The following DST variants were observed in gnomAD, a reference collection of about 807,000 sequenced individuals.
DST encodes dystonin.
Under a neutral mutation model 875.2 loss-of-function variants are expected in DST, and 253 were observed. The observed-to-expected ratio is 0.29, with a 90% confidence interval of 0.26 to 0.32. The LOEUF is 0.32. DST is among the 10% of genes least tolerant of loss of function. DST has a pLI of 1.00. For missense variants in DST, 8,287 were observed against 9,111.6 expected, an observed-to-expected ratio of 0.91 and a Z score of 3.68; for synonymous variants, 3,124 against 3,197.1, an observed-to-expected ratio of 0.98 and a Z score of 0.77.
intron 36 of DST, chr6:56,618,384 T>C (rs756251593): frequency 1.2e-6 from 2 of 1,614,188 alleles, no homozygotes; most frequent in Admixed American, 1.7e-5. Flanking sequence ...TTCACTGTCA[T>C]CTCAAAATCT....
intron 75 of DST, 59 bp downstream of exon 75, chr6:56,508,470 T>G: frequency 7.4e-7 from 1 of 1,357,012 alleles, no homozygotes; most frequent in Non-Finnish European, 1.0e-6. Context: ...ACCCAAGGAA[T>G]CTGGATTTCA....
chr6:56,642,289 C>T (rs2152781130), intron 16 of DST, 121 bp downstream of exon 16: 2 of 900,300 alleles, frequency 2.2e-6, no homozygotes, highest in Non-Finnish European at 3.6e-6. Flanking sequence ...CTTTAACAAA[C>T]TTTAAGTTTC....
intron 36 of DST, chr6:56,615,094 C>A: frequency 9.8e-7 from 1 of 1,022,916 alleles, no homozygotes; most frequent in Non-Finnish European, 1.2e-6. Context: ...GCTGTGGGAA[C>A]GAATTTATAT....
At chr6:56,858,212 G>T (rs545035565) in intron 3 of DST, among the ~76,000 whole-genome samples, 1 of 152,284 alleles carries the variant, frequency 6.6e-6, no homozygotes, top group Admixed American at 6.5e-5. Flanking sequence ...GGGGATCAGA[G>T]GGAGAGGAAG....
At position 56,714,968 on chromosome 6, in the gene DST, TTAA is replaced by T. The variant is rs1309677453; in HGVS notation, c.688-10602_688-10600del. Among the ~76,000 whole-genome samples the T allele has an allele frequency of 6.6e-6, 1 of 152,240 alleles. No homozygotes were observed. The highest frequency in any genetic ancestry group is 1.5e-5 in the Non-Finnish European group (1 of 68,048). On this transcript the variant is annotated intron_variant, in intron 5 of 103. Transcript: ENST00000680361. The surrounding 1 kb of genome is among the most constrained non-coding windows in gnomAD (Gnocchi z 4.5). ...TATGTAGACAATATACATAAATGTA[TTAA>T]TAATTTCCTTAAGAAGAAAGGGCCC... is the stretch of plus-strand genomic sequence containing the variant.
At chr6:56,553,690 A>G (rs747647518) in intron 60 of DST, 35 bp from the exon 61 acceptor site, 1 of 1,561,678 alleles carries the variant, frequency 6.4e-7, no homozygotes, top group Non-Finnish European at 8.7e-7. Flanking sequence ...TTTATTTTAC[A>G]TCAAAATGTT....
At chr6:56,551,782 A>G (rs904132761) in intron 61 of DST, among the ~76,000 whole-genome samples, 10 of 152,370 alleles carry the variant, frequency 6.6e-5, no homozygotes, top group African/African-American at 2.2e-4. Context: ...GATAATTATA[A>G]AAAGAAAGGG....
In DST at chr6:56,628,153, T is replaced by A; in HGVS notation, c.4484A>T (p.Asp1495Val). ...CAGTGATTTGCCAATGCCCTCTAAG[T>A]CCCGTAACCTAAGAGAATAGTAACC... Reference protein sequence around the residue: ...VHVQIDNRLRDLEGIGKSLKY... With the variant: ...VHVQIDNRLRVLEGIGKSLKY... The change falls in exon 33 of 104, where the codon GAC (aspartate) becomes GTC (valine). Residue 1495 changes from aspartate to valine, a missense_variant. Transcript: ENST00000680361. 1 of 1,613,294 alleles carries A rather than the reference T, an allele frequency of 6.2e-7. No individual in the cohort carries two copies. Among genetic ancestry groups the A allele is most frequent in the Non-Finnish European group, 8.5e-7 (1 of 1,179,316 alleles).
chr6:56,885,157 G>A (rs1228516278), intron 3 of DST, among the ~76,000 whole-genome samples: 2 of 152,124 alleles, frequency 1.3e-5, no homozygotes, highest in African/African-American at 4.8e-5. Context: ...TACTGTGAGG[G>A]TTGGCTGCTA....
rs1187465115 is a variant in DST, at chr6:56,486,090, G to A, written c.21048-619C>T. Among the ~76,000 whole-genome samples, 8 of 152,224 alleles carry A rather than the reference G, an allele frequency of 5.3e-5. No individual in the cohort carries two copies. In the South Asian group the frequency reaches 1.2e-3, roughly 24 times the overall value. ...TTTAAGATTTTTTCAAGGGCCAGGC[G>A]CAGTGGCTCACGCCTGTAATCCCAG... On this transcript the variant is annotated intron_variant, in intron 87 of 103. Coordinates refer to ENST00000680361, the MANE Select transcript of DST (RefSeq NM_001374736.1).
chr6:56,647,690 T>G (rs1211781789), intron 13 of DST, among the ~76,000 whole-genome samples: 1 of 130,398 alleles, frequency 7.7e-6, no homozygotes, highest in Admixed American at 7.1e-5. Context: ...TTTGTAATGT[T>G]TTTTTTTTTT....
At chr6:56,724,670 C>T (rs2099439812) in intron 5 of DST, among the ~76,000 whole-genome samples, 1 of 152,158 alleles carries the variant, frequency 6.6e-6, no homozygotes, top group Non-Finnish European at 1.5e-5. Context: ...ACTGTCATAT[C>T]CATGTGAAGG....
chr6:56,681,756 T>C (rs996984041), intron 9 of DST, among the ~76,000 whole-genome samples: 2 of 152,176 alleles, frequency 1.3e-5, no homozygotes, highest in Non-Finnish European at 2.9e-5. Context: ...AATGGACAAA[T>C]GACTTTATGA....
chr6:56,728,840 T>C (rs1344367791), intron 5 of DST, among the ~76,000 whole-genome samples: 1 of 151,994 alleles, frequency 6.6e-6, no homozygotes, highest in Non-Finnish European at 1.5e-5. Flanking sequence ...TATACCAATA[T>C]AAATTTATGA....
rs569113712 is a variant in DST, at chr6:56,589,700, C to A, written c.12903+2482G>T. Among the ~76,000 whole-genome samples, 6 of 152,298 alleles carry A rather than the reference C, an allele frequency of 3.9e-5. No homozygotes were observed. The South Asian group carries it at 1.2e-3, about 32-fold the overall frequency. On this transcript the variant is annotated intron_variant, in intron 49 of 103. Transcript: ENST00000680361. ...CCTGTTTTCTGCACCTCTTATGGGG[C>A]TAAAATCTTGTTTTATCCACTAATT...
chr6:56,769,687 G>A (rs1211617660), intron 4 of DST, among the ~76,000 whole-genome samples: 1 of 152,070 alleles, frequency 6.6e-6, no homozygotes, highest in Non-Finnish European at 1.5e-5. Context: ...TGTAGTGGCA[G>A]GGACCTGTAG....
chr6:56,827,965 C>T (rs1049073579), intron 4 of DST, among the ~76,000 whole-genome samples: 1 of 152,168 alleles, frequency 6.6e-6, no homozygotes, highest in Admixed American at 6.5e-5. Flanking sequence ...AGAGACCCAC[C>T]ATATGCCCAT....
intron 47 of DST, 116 bp downstream of exon 47, chr6:56,597,624 C>A (rs1468740240): frequency 6.7e-6 from 7 of 1,048,300 alleles, no homozygotes; most frequent in Admixed American, 2.8e-5. Flanking sequence ...ATGATGAACA[C>A]AGAAAAAAAC....
chr6:56,764,409 C>T (rs970387710), intron 4 of DST, among the ~76,000 whole-genome samples: 9 of 152,280 alleles, frequency 5.9e-5, no homozygotes, highest in Admixed American at 2.0e-4. Flanking sequence ...TGGAGCCCCA[C>T]GACATGCTGC....
Sources: allele counts gnomAD v4.1 joint callset (sites outside exome capture counted in the v4.1 genomes callset), GRCh38; gene constraint gnomAD v4.1.1; non-coding constraint Gnocchi (gnomAD v3.1); transcripts MANE v1.5; gene names NCBI Gene and HGNC (gene_info 2026-07-23, HGNC 2026-07-21).